The following GSG1L variants were observed in gnomAD, a reference collection of about 807,000 sequenced individuals.
The protein encoded by GSG1L is germ cell-specific gene 1-like protein.
A neutral mutation model predicts 42.1 loss-of-function variants in GSG1L; 24 were observed. The observed-to-expected ratio is 0.57, with a 90% CI of 0.41 to 0.80. The LOEUF (loss-of-function observed/expected upper bound fraction) is 0.80, where lower values mean the gene tolerates loss of function less well. GSG1L is among the 30% of genes least tolerant of loss of function. The probability of loss-of-function intolerance (pLI) is 0.00; values close to 1 mark genes in which losing one functional copy is unlikely to be tolerated. For synonymous variants in GSG1L, 215 were observed against 203.5 expected, an observed-to-expected ratio of 1.06 and a Z score of -0.48; for missense variants, 445 against 472.2, an observed-to-expected ratio of 0.94 and a Z score of 0.53.
intron 1 of GSG1L, among the ~76,000 whole-genome samples, chr16:28,029,609 G>C (rs536228608): frequency 6.6e-6 from 1 of 152,144 alleles, no homozygotes; most frequent in South Asian, 2.1e-4. Context: ...GGATGCACAG[G>C]TGGATGAATG....
chr16:27,930,074 G>A (rs1377424855), intron 2 of GSG1L, among the ~76,000 whole-genome samples: 1 of 152,006 alleles, frequency 6.6e-6, no homozygotes, highest in African/African-American at 2.4e-5. Context: ...GCCAGGGCTG[G>A]CACTTACATG....
intron 2 of GSG1L, among the ~76,000 whole-genome samples, chr16:27,902,517 C>T (rs1208077597): frequency 6.6e-6 from 1 of 151,188 alleles, no homozygotes; most frequent in African/African-American, 2.4e-5. Flanking sequence ...CCGCGGGTGC[C>T]GATGATGAGA....
At chr16:27,924,517 G>C (rs953807171) in intron 2 of GSG1L, among the ~76,000 whole-genome samples, 3 of 152,118 alleles carry the variant, frequency 2.0e-5, no homozygotes, top group Non-Finnish European at 4.4e-5. Context: ...TGTCATAAAT[G>C]CTGTGTCATG....
At chr16:27,920,426 C>T (rs888811218) in intron 2 of GSG1L, among the ~76,000 whole-genome samples, 2 of 152,232 alleles carry the variant, frequency 1.3e-5, no homozygotes, top group Non-Finnish European at 2.9e-5. Context: ...TTCCAGGAGT[C>T]GTTGGGAGGC....
intron 1 of GSG1L, among the ~76,000 whole-genome samples, chr16:27,977,495 G>A (rs1002711724): frequency 1.3e-5 from 2 of 149,202 alleles, no homozygotes; most frequent in Admixed American, 1.3e-4. Flanking sequence ...GGGAGGCGGA[G>A]GTTGCAGTGA....
At position 27,910,107 on chromosome 16, in the gene GSG1L, A is replaced by G. The variant is rs1488897702; in HGVS notation, c.398-25469T>C. On this transcript the variant is annotated intron_variant, in intron 2 of 6. Coordinates refer to ENST00000447459, the MANE Select transcript of GSG1L (RefSeq NM_001109763.2). ...CCTGAGTAGCTGGGATTACAGGCAC[A>G]TGCCACCATGCCTGGCTACTTTTTT... Among the ~76,000 whole-genome samples the G allele has an allele frequency of 4.0e-5, 6 of 149,104 alleles. No homozygotes were observed. In the East Asian group the frequency reaches 1.2e-3, roughly 29 times the overall value.
chr16:28,017,039 A>C (rs1308670192), intron 1 of GSG1L, among the ~76,000 whole-genome samples: 1 of 152,242 alleles, frequency 6.6e-6, no homozygotes, highest in Non-Finnish European at 1.5e-5. Flanking sequence ...CTTCAGGAAA[A>C]GTTCCCACTG....
intron 1 of GSG1L, among the ~76,000 whole-genome samples, chr16:28,005,799 C>T (rs898368587): frequency 5.3e-5 from 8 of 152,176 alleles, no homozygotes; most frequent in Non-Finnish European, 2.9e-5. Context: ...GTATTAATTA[C>T]ATTGTCATTG....
chr16:28,057,390 G>T (rs1171956488), intron 1 of GSG1L, among the ~76,000 whole-genome samples: 1 of 152,150 alleles, frequency 6.6e-6, no homozygotes, highest in Non-Finnish European at 1.5e-5. Context: ...CTCCTAGAAG[G>T]GAAGGGCGGC....
chr16:27,879,862 CTTT>C (rs1013994688), intron 3 of GSG1L, among the ~76,000 whole-genome samples: 1 of 141,492 alleles, frequency 7.1e-6, no homozygotes. Context: ...TTTTTAATTG[CTTT>C]TTTTTTTTCC....
intron 1 of GSG1L, among the ~76,000 whole-genome samples, chr16:27,979,997 T>C (rs1045599665): frequency 7.2e-5 from 11 of 152,030 alleles, no homozygotes; most frequent in Non-Finnish European, 1.5e-4. Context: ...TTTCCCTGGA[T>C]CCTAAGTTAG....
At chr16:27,842,512 A>G (rs1374947345) in intron 4 of GSG1L, among the ~76,000 whole-genome samples, 1 of 152,204 alleles carries the variant, frequency 6.6e-6, no homozygotes, top group Admixed American at 6.5e-5. Context: ...CACATGGTCA[A>G]CACAAATATT....
chr16:28,056,758 G>A (rs1008632447), intron 1 of GSG1L, among the ~76,000 whole-genome samples: 11 of 152,020 alleles, frequency 7.2e-5, no homozygotes, highest in African/African-American at 2.7e-4. Context: ...CGATGTGACC[G>A]GGACAAGGCT....
intron 6 of GSG1L, among the ~76,000 whole-genome samples, chr16:27,804,608 A>T (rs1289638146): frequency 2.0e-5 from 3 of 150,736 alleles, no homozygotes; most frequent in Non-Finnish European, 3.0e-5. Flanking sequence ...GATGCTCAAT[A>T]AACACTCACC....
Position 27,864,894 on chromosome 16 carries a change from C to T in GSG1L, c.550+19592G>A, listed in dbSNP as rs77119798. ...GTCCACCTCCAACACCACAACTCTA[C>T]CCAACAATTCCTTCATCTGAAAACA... On this transcript the variant is annotated intron_variant, in intron 3 of 6. Coordinates refer to ENST00000447459, the MANE Select transcript of GSG1L (RefSeq NM_001109763.2). Among the ~76,000 whole-genome samples the T allele has an allele frequency of 2.0e-4, 31 of 152,288 alleles. 1 individual carries two copies. Among genetic ancestry groups the T allele is most frequent in the Admixed American group, 9.1e-4 (14 of 15,308 alleles).
At chr16:27,792,817 T>C (rs956895296) in intron 6 of GSG1L, among the ~76,000 whole-genome samples, 2 of 151,216 alleles carry the variant, frequency 1.3e-5, no homozygotes, top group Non-Finnish European at 2.9e-5. Flanking sequence ...GGGCTGGGAG[T>C]GAAGGGGGGA....
intron 1 of GSG1L, among the ~76,000 whole-genome samples, chr16:28,009,234 C>T (rs1018320927): frequency 2.0e-5 from 3 of 152,200 alleles, no homozygotes; most frequent in African/African-American, 7.2e-5. Flanking sequence ...GTGGCTTCCT[C>T]GCAGCTCCCT....
chr16:27,880,594 C>T (rs1312837354), intron 3 of GSG1L, among the ~76,000 whole-genome samples: 1 of 152,144 alleles, frequency 6.6e-6, no homozygotes, highest in African/African-American at 2.4e-5. Context: ...ATCGTATTTG[C>T]TTTCACAGTG....
chr16:27,841,342 C>T lies in GSG1L; in HGVS notation c.662+3608G>A, dbSNP rs548429781. ...GTCGGGGTGAGATTTGAACCCCAGGCTGTCAGACTCTTAACCATGGAGACC... is the reference window on the plus strand; with the variant it reads ...GTCGGGGTGAGATTTGAACCCCAGGTTGTCAGACTCTTAACCATGGAGACC... On this transcript the variant is annotated intron_variant, in intron 4 of 6. Coordinates refer to ENST00000447459, the MANE Select transcript of GSG1L (RefSeq NM_001109763.2). Among the ~76,000 whole-genome samples the T allele has an allele frequency of 4.9e-4, 75 of 152,308 alleles. 1 individual carries two copies. The South Asian group carries it at 0.015, about 31-fold the overall frequency.
Sources: allele counts gnomAD v4.1 joint callset (sites outside exome capture counted in the v4.1 genomes callset), GRCh38; gene constraint gnomAD v4.1.1; transcripts MANE v1.5; gene names NCBI Gene and HGNC (gene_info 2026-07-23, HGNC 2026-07-21).